The following PCDHA10 variants were observed in gnomAD, a reference collection of about 807,000 sequenced individuals.
PCDHA10 encodes protocadherin alpha-10.
A neutral mutation model predicts 61.2 loss-of-function variants in PCDHA10; 45 were observed. That is an observed-to-expected ratio of 0.74 (90% CI 0.58 to 0.94). The LOEUF is 0.94. PCDHA10 is among the 40% of genes least tolerant of loss of function. PCDHA10 has a pLI of 0.00. For missense variants in PCDHA10, 1,278 were observed against 1,236.2 expected (o/e 1.03, Z -0.51); for synonymous variants, 602 against 548.8 (o/e 1.10, Z -1.35).
chr5:140,928,510 A>T (rs782757628), intron 1 of PCDHA10: 1 of 1,614,166 alleles, frequency 6.2e-7, no homozygotes, highest in Non-Finnish European at 8.5e-7. Context: ...TGCAACAGTG[A>T]CTATAAACTT....
intron 3 of PCDHA10, among the ~76,000 whole-genome samples, chr5:140,984,059 C>G (rs1269975627): frequency 6.6e-6 from 1 of 152,108 alleles, no homozygotes; most frequent in East Asian, 1.9e-4. Context: ...CAAATCTGTA[C>G]CCTCAGTGCC....
intron 1 of PCDHA10, chr5:140,966,946 C>T: frequency 6.2e-7 from 1 of 1,603,486 alleles, no homozygotes; most frequent in Non-Finnish European, 8.5e-7. Flanking sequence ...TCGTGGGCAA[C>T]GTGGCTCGCG....
chr5:140,968,285 T>A, intron 1 of PCDHA10: 1 of 1,614,006 alleles, frequency 6.2e-7, no homozygotes, highest in Non-Finnish European at 8.5e-7. Flanking sequence ...GGTGACCTAC[T>A]CCCTTCTGGA....
intron 1 of PCDHA10, chr5:140,928,768 C>G: frequency 1.2e-6 from 2 of 1,614,136 alleles, no homozygotes; most frequent in Non-Finnish European, 1.7e-6. Context: ...CTTAGTTCTT[C>G]CCACTGATGC....
intron 1 of PCDHA10, among the ~76,000 whole-genome samples, chr5:140,924,894 CAAAA>C (rs782133089): frequency 1.1e-4 from 8 of 71,470 alleles, no homozygotes; most frequent in African/African-American, 3.4e-4. Flanking sequence ...GAACCTGTCT[CAAAA>C]AAAAAAATAA....
intron 3 of PCDHA10, among the ~76,000 whole-genome samples, chr5:141,003,440 T>G (rs1194575812): frequency 6.6e-6 from 1 of 152,100 alleles, no homozygotes; most frequent in Non-Finnish European, 1.5e-5. Flanking sequence ...GCCTCCCAAG[T>G]AGATGAAATT....
chr5:140,875,401 G>T, intron 1 of PCDHA10: 1 of 1,487,486 alleles, frequency 6.7e-7, no homozygotes, highest in Non-Finnish European at 8.9e-7. Context: ...AAGGGTGACT[G>T]CTCATAAAAT....
At chr5:141,008,108 T>C (rs2098361480) in intron 3 of PCDHA10, among the ~76,000 whole-genome samples, 1 of 152,138 alleles carries the variant, frequency 6.6e-6, no homozygotes, top group Non-Finnish European at 1.5e-5. Flanking sequence ...CTCATGAGAA[T>C]AAGTGTTTCA....
chr5:140,869,430 C>T (rs73793507), intron 1 of PCDHA10: 3 of 1,614,154 alleles, frequency 1.9e-6, no homozygotes, highest in South Asian at 2.2e-5. Context: ...TGGAGGTGAT[C>T]GTGGACAGGC....
intron 1 of PCDHA10, chr5:140,870,392 G>A (rs1330154432): frequency 1.9e-6 from 3 of 1,614,136 alleles, no homozygotes; most frequent in South Asian, 2.2e-5. Context: ...CGGGATGGGG[G>A]TTCGCCTTCT....
At chr5:141,005,285 A>T (rs1285354488) in intron 3 of PCDHA10, among the ~76,000 whole-genome samples, 1 of 152,218 alleles carries the variant, frequency 6.6e-6, no homozygotes, top group Non-Finnish European at 1.5e-5. Context: ...ATAAACAGAT[A>T]CATTTTTTGC....
chr5:140,890,294 G>A (rs1554184246), intron 1 of PCDHA10, among the ~76,000 whole-genome samples: 1 of 152,132 alleles, frequency 6.6e-6, no homozygotes, highest in Non-Finnish European at 1.5e-5. Flanking sequence ...GTCAGAACCA[G>A]GAGAGGTAAT....
chr5:140,869,330 A>G (rs1554162906), intron 1 of PCDHA10: 25 of 1,613,778 alleles, frequency 1.5e-5, no homozygotes, highest in Non-Finnish European at 2.0e-5. Context: ...GACCTTCTGG[A>G]GGTAAATCTG....
At chr5:140,896,672 C>T (rs912022786) in intron 1 of PCDHA10, among the ~76,000 whole-genome samples, 7 of 152,028 alleles carry the variant, frequency 4.6e-5, no homozygotes, top group Middle Eastern at 3.2e-3. Flanking sequence ...TCACTGTGCC[C>T]GGCCCTTTGC....
At chr5:140,949,231 C>G (rs971361200) in intron 1 of PCDHA10, among the ~76,000 whole-genome samples, 11 of 151,628 alleles carry the variant, frequency 7.3e-5, no homozygotes, top group African/African-American at 2.4e-4. Flanking sequence ...TGTTCTGTGG[C>G]CCAGCAACAG....
At chr5:140,895,922 T>G (rs1301725770) in intron 1 of PCDHA10, among the ~76,000 whole-genome samples, 1 of 152,190 alleles carries the variant, frequency 6.6e-6, no homozygotes, top group African/African-American at 2.4e-5. Context: ...ACAATTATCC[T>G]GCCTCAGCCT....
rs782398517 is a variant in PCDHA10 at position 140,857,600 on chromosome 5, G to T, written c.1552G>T (p.Ala518Ser). 9 of 1,596,344 alleles carry T rather than the reference G, an allele frequency of 5.6e-6. No homozygotes were observed. Among genetic ancestry groups the T allele is most frequent in the Non-Finnish European group, 7.7e-6 (9 of 1,167,692 alleles). Residue 518 changes from alanine to serine, a missense_variant, in exon 1 of 4, where the codon GCG becomes TCG. Physicochemically the swap from Ala to Ser is moderately conservative, Grantham distance 99. Transcript: ENST00000307360. ...SVHAESGKVY[A>S]LQPLDHEELE... is the part of the protein sequence containing the mutation. ...GCACGCGGAGAGCGGCAAGGTGTAC[G>T]CGCTGCAGCCGCTGGACCACGAGGA...
chr5:140,929,085 G>A, intron 1 of PCDHA10: 1 of 1,614,174 alleles, frequency 6.2e-7, no homozygotes, highest in Non-Finnish European at 8.5e-7. Flanking sequence ...GAAGTAAGAT[G>A]GTTTCAAATC....
At chr5:140,965,490 C>G (rs115003344) in intron 1 of PCDHA10, among the ~76,000 whole-genome samples, 2,488 of 148,960 alleles carry the variant, frequency 0.017, 68 homozygotes, top group African/African-American at 0.057. Context: ...TGCTTAATGA[C>G]AGCAGATTTT....
Sources: allele counts gnomAD v4.1 joint callset (sites outside exome capture counted in the v4.1 genomes callset), GRCh38; gene constraint gnomAD v4.1.1; transcripts MANE v1.5; gene names NCBI Gene and HGNC (gene_info 2026-07-23, HGNC 2026-07-21).